Variants in WWOX observed in about 807,000 individuals in gnomAD.
WWOX encodes WW domain containing oxidoreductase, also known as WW domain-containing oxidoreductase.
Under a neutral mutation model 46.2 loss-of-function variants are expected in WWOX, and 69 were observed. That is an observed-to-expected ratio of 1.49 (90% CI 1.23 to 1.82). The LOEUF is 1.82. WWOX is among the 40% of genes most tolerant of loss of function. The pLI is 0.00. For synonymous variants in WWOX, 359 were observed against 202.6 expected (o/e 1.77, Z -6.56); for missense variants, 919 against 542.6 (o/e 1.69, Z -6.89).
intron 8 of WWOX, among the ~76,000 whole-genome samples, chr16:78,547,266 C>T (rs2667649): frequency 0.48 from 73,121 of 151,030 alleles, 20,292 homozygotes; most frequent in Admixed American, 0.63. Context: ...AAATGCTTTG[C>T]GTACATCAGC....
At chr16:78,624,354 G>A (rs2046260809) in intron 8 of WWOX, among the ~76,000 whole-genome samples, 1 of 151,892 alleles carries the variant, frequency 6.6e-6, no homozygotes, top group African/African-American at 2.4e-5. Flanking sequence ...CTAAATAATT[G>A]TCTGGATGTT....
chr16:78,157,530 T>G (rs2034647794), intron 4 of WWOX, among the ~76,000 whole-genome samples: 1 of 152,196 alleles, frequency 6.6e-6, no homozygotes, highest in South Asian at 2.1e-4. Context: ...TCAAATGGAT[T>G]TAGGTGTTAA....
chr16:78,424,352 T>A (rs1318541424), intron 6 of WWOX, among the ~76,000 whole-genome samples: 1 of 152,164 alleles, frequency 6.6e-6, no homozygotes, highest in Non-Finnish European at 1.5e-5. Context: ...ACTCCTGACC[T>A]AAAATGGTCC....
intron 8 of WWOX, among the ~76,000 whole-genome samples, chr16:78,874,027 C>T (rs1224106541): frequency 1.3e-5 from 2 of 151,502 alleles, no homozygotes; most frequent in African/African-American, 2.4e-5. Flanking sequence ...TTTGGGAGGC[C>T]GGGGTGGGCG....
chr16:78,557,689 A>ATTTTT lies in WWOX; in HGVS notation c.1056+124956_1056+124960dup, dbSNP rs34068363. On this transcript the variant is annotated intron_variant, in intron 8 of 8. Coordinates refer to ENST00000566780, the MANE Select transcript of WWOX (RefSeq NM_016373.4). Reference sequence around the variant, plus strand: ...CATAAGTGCATTCCTCTAGGGAAGGATTTTTTTTTTTTTTTTTTTTTTTGA... The same window carrying ATTTTT: ...CATAAGTGCATTCCTCTAGGGAAGGATTTTTTTTTTTTTTTTTTTTTTTTTTTTGA... Among the ~76,000 whole-genome samples, 21 of 96,622 alleles carry ATTTTT rather than the reference A, an allele frequency of 2.2e-4. 2 individuals are homozygous for ATTTTT. The highest frequency in any genetic ancestry group is 7.8e-4 in the African/African-American group (15 of 19,194). The allele number at this position is 96,622 out of a possible 152,430, so 63.4% of individuals were successfully genotyped here.
chr16:78,946,860 C>T (rs1037574460), intron 8 of WWOX, among the ~76,000 whole-genome samples: 109 of 152,044 alleles, frequency 7.2e-4, no homozygotes, highest in African/African-American at 2.6e-3. Context: ...TAAGAATGGC[C>T]GTGGCAAGGA....
intron 6 of WWOX, among the ~76,000 whole-genome samples, chr16:78,393,149 G>T (rs2082212321): frequency 6.6e-6 from 1 of 152,176 alleles, no homozygotes; most frequent in East Asian, 1.9e-4. Flanking sequence ...GTCCATAGGA[G>T]TATGAAGAGC....
At chr16:78,972,363 C>T (rs567257765) in intron 8 of WWOX, among the ~76,000 whole-genome samples, 72 of 151,828 alleles carry the variant, frequency 4.7e-4, no homozygotes, top group South Asian at 1.0e-3. Flanking sequence ...AAGTGAGCGC[C>T]GTGTATTTCA....
At chr16:78,923,798 T>TG (rs1175092307) in intron 8 of WWOX, among the ~76,000 whole-genome samples, 89 of 72,480 alleles carry the variant, frequency 1.2e-3, no homozygotes, top group Non-Finnish European at 2.7e-3. Flanking sequence ...TAGTTAGTTT[T>TG]TTTTTTTTTT....
At chr16:78,106,714 C>T (rs952026635) in intron 1 of WWOX, among the ~76,000 whole-genome samples, 2 of 152,178 alleles carry the variant, frequency 1.3e-5, no homozygotes, top group African/African-American at 4.8e-5. Context: ...CCGCGCCCGG[C>T]CACAGAGCTG....
At chr16:79,136,072 A>C (rs1002762648) in intron 8 of WWOX, among the ~76,000 whole-genome samples, 1 of 152,184 alleles carries the variant, frequency 6.6e-6, no homozygotes, top group African/African-American at 2.4e-5. Context: ...CTCTGAATGC[A>C]CAGTGAATTT....
chr16:78,209,392 A>T (rs1385192640), intron 5 of WWOX, among the ~76,000 whole-genome samples: 6 of 152,188 alleles, frequency 3.9e-5, no homozygotes, highest in African/African-American at 1.4e-4. Flanking sequence ...AACTGTCAGA[A>T]ATGCATGTCA....
intron 8 of WWOX, among the ~76,000 whole-genome samples, chr16:78,879,490 C>A (rs2656620): frequency 0.31 from 47,112 of 150,894 alleles, 7,534 homozygotes; most frequent in Middle Eastern, 0.44. Flanking sequence ...CCCTGGTCTT[C>A]AAGTCCACTC....
intron 8 of WWOX, among the ~76,000 whole-genome samples, chr16:78,880,492 A>T (rs1027842003): frequency 1.3e-5 from 2 of 152,240 alleles, no homozygotes; most frequent in Non-Finnish European, 2.9e-5. Flanking sequence ...CAAAACAAGA[A>T]ATAATTAGTC....
At chr16:78,237,744 T>C (rs956358280) in intron 5 of WWOX, 16 of 152,262 alleles carry the variant, frequency 1.1e-4, no homozygotes, top group African/African-American at 3.9e-4. Flanking sequence ...TATGGAATTC[T>C]GATTTCAGTG....
chr16:78,732,980 T>G (rs2049001976), intron 8 of WWOX, among the ~76,000 whole-genome samples: 2 of 152,226 alleles, frequency 1.3e-5, no homozygotes, highest in Non-Finnish European at 2.9e-5. Flanking sequence ...TATTTCCTTC[T>G]CGTCTTTTCT....
intron 8 of WWOX, among the ~76,000 whole-genome samples, chr16:78,999,676 T>G (rs1259101098): frequency 1.3e-5 from 2 of 152,130 alleles, no homozygotes; most frequent in Non-Finnish European, 2.9e-5. Flanking sequence ...TGATTGGTGA[T>G]AAAAATGGAG....
At chr16:78,786,145 G>A (rs541325855) in intron 8 of WWOX, among the ~76,000 whole-genome samples, 7 of 152,070 alleles carry the variant, frequency 4.6e-5, no homozygotes, top group Non-Finnish European at 7.4e-5. Flanking sequence ...CCTGCCCTCC[G>A]GTGATCTGCC....
At chr16:79,204,273 T>C (rs2051436542) in intron 8 of WWOX, 1 of 152,084 alleles carries the variant, frequency 6.6e-6, no homozygotes, top group East Asian at 1.9e-4. Flanking sequence ...ATACCTTCTC[T>C]TAGTTCTAAT....
Sources: gnomAD v4.1 joint callset for allele counts (sites outside exome capture counted in the v4.1 genomes callset) on GRCh38, gnomAD v4.1.1 for gene constraint, MANE v1.5 for transcripts, NCBI Gene and HGNC (gene_info 2026-07-23, HGNC 2026-07-21) for gene names.